CRPPA: variants seen among roughly 807,000 people sequenced by gnomAD.
The protein encoded by CRPPA is D-ribitol-5-phosphate cytidylyltransferase.
A neutral mutation model predicts 52.0 loss-of-function variants in CRPPA; 43 were observed. The ratio of observed to expected loss-of-function variants is 0.83; its 90% CI spans 0.65 to 1.07. The LOEUF (loss-of-function observed/expected upper bound fraction) is 1.07, where lower values mean the gene tolerates loss of function less well. Among genes scored for constraint, CRPPA ranks in the 50% least tolerant of loss-of-function variants. CRPPA has a pLI of 0.00. For missense variants in CRPPA, 629 were observed against 551.7 expected, an observed-to-expected ratio of 1.14 and a Z score of -1.40; for synonymous variants, 250 against 203.5, an observed-to-expected ratio of 1.23 and a Z score of -1.94.
intron 9 of CRPPA, among the ~76,000 whole-genome samples, chr7:16,171,631 C>CA (rs1445238202): frequency 1.3e-5 from 2 of 151,748 alleles, no homozygotes; most frequent in African/African-American, 4.8e-5. Flanking sequence ...ACCAAAAAAA[C>CA]AAAAAACAAA....
intron 9 of CRPPA, among the ~76,000 whole-genome samples, chr7:16,130,500 C>A (rs957522372): frequency 6.6e-6 from 1 of 151,820 alleles, no homozygotes; most frequent in Non-Finnish European, 1.5e-5. Flanking sequence ...TTCCTCTGTT[C>A]TATACTATCC....
chr7:16,232,195 C>A (rs926521122), intron 8 of CRPPA, among the ~76,000 whole-genome samples: 3 of 152,130 alleles, frequency 2.0e-5, no homozygotes, highest in African/African-American at 7.2e-5. Flanking sequence ...TTGGCAATAG[C>A]CATGAGCCAT....
intron 9 of CRPPA, among the ~76,000 whole-genome samples, chr7:16,169,970 T>C (rs962563533): frequency 2.0e-5 from 3 of 152,220 alleles, no homozygotes; most frequent in African/African-American, 4.8e-5. Context: ...GGAAGCTCTA[T>C]ATTTTTCTGT....
intron 1 of CRPPA, among the ~76,000 whole-genome samples, chr7:16,413,873 A>G (rs1788127225): frequency 6.6e-6 from 1 of 152,084 alleles, no homozygotes; most frequent in Non-Finnish European, 1.5e-5. Context: ...CAGATCTACA[A>G]AAGTGATTTT....
At chr7:16,128,709 T>C (rs1016102360) in intron 9 of CRPPA, among the ~76,000 whole-genome samples, 1 of 152,120 alleles carries the variant, frequency 6.6e-6, no homozygotes, top group African/African-American at 2.4e-5. Context: ...ATGGAAAAAT[T>C]TGTCCCTAAT....
chr7:16,302,056 G>T, intron 4 of CRPPA, among the ~76,000 whole-genome samples: 1 of 151,988 alleles, frequency 6.6e-6, no homozygotes, highest in East Asian at 1.9e-4. Context: ...CAACCTCTTG[G>T]GAGGCCAAGG....
At chr7:16,317,251 A>T (rs186548771) in intron 3 of CRPPA, among the ~76,000 whole-genome samples, 1 of 152,164 alleles carries the variant, frequency 6.6e-6, no homozygotes, top group African/African-American at 2.4e-5. Context: ...CTTCTTCCAC[A>T]TTGGGGAATG....
intron 9 of CRPPA, among the ~76,000 whole-genome samples, chr7:16,143,442 T>C (rs1452012316): frequency 6.6e-6 from 1 of 152,140 alleles, no homozygotes; most frequent in Non-Finnish European, 1.5e-5. Context: ...CAAGGGTAAG[T>C]AGGATAATAA....
chr7:16,391,127 T>C (rs962474891), intron 2 of CRPPA, among the ~76,000 whole-genome samples: 13 of 152,170 alleles, frequency 8.5e-5, no homozygotes, highest in Admixed American at 7.9e-4. Flanking sequence ...TAGTTCAAAA[T>C]GCATACCTCT....
chr7:16,258,264 CACAA>C (rs1783697265), intron 8 of CRPPA, 122 bp downstream of exon 8: 2 of 528,760 alleles, frequency 3.8e-6, no homozygotes, highest in Non-Finnish European at 6.5e-6. Flanking sequence ...CAGAGGAATC[CACAA>C]ACAAGAGTTT....
chr7:16,214,419 G>C (rs115436452), intron 9 of CRPPA, among the ~76,000 whole-genome samples: 1 of 152,234 alleles, frequency 6.6e-6, no homozygotes, highest in African/African-American at 2.4e-5. Flanking sequence ...TGTGACAATA[G>C]TAGTGTTTGT....
At chr7:16,410,129 A>AT (rs1292491262) in intron 1 of CRPPA, among the ~76,000 whole-genome samples, 2 of 152,198 alleles carry the variant, frequency 1.3e-5, no homozygotes, top group African/African-American at 4.8e-5. Context: ...GTTTCTAGGT[A>AT]TTTGACCCTC....
intron 9 of CRPPA, among the ~76,000 whole-genome samples, chr7:16,196,862 C>A (rs2128392252): frequency 6.6e-6 from 1 of 152,238 alleles, no homozygotes; most frequent in East Asian, 1.9e-4. Context: ...AGTTTTGCTG[C>A]CGTTTCCATA....
intron 5 of CRPPA, among the ~76,000 whole-genome samples, chr7:16,282,913 T>A (rs1784347221): frequency 6.6e-6 from 1 of 152,084 alleles, no homozygotes; most frequent in African/African-American, 2.4e-5. Flanking sequence ...AAATTCTCAA[T>A]CTGTCTACAT....
intron 3 of CRPPA, among the ~76,000 whole-genome samples, chr7:16,368,357 T>C (rs1786663343): frequency 6.6e-6 from 1 of 152,192 alleles, no homozygotes; most frequent in African/African-American, 2.4e-5. Flanking sequence ...TTCTCAAGGA[T>C]GAAATAGTTT....
At chr7:16,271,563 C>CT (rs1784090045) in intron 6 of CRPPA, among the ~76,000 whole-genome samples, 1 of 152,146 alleles carries the variant, frequency 6.6e-6, no homozygotes, top group Non-Finnish European at 1.5e-5. Context: ...ACCACAGATG[C>CT]TTTCTTTCTG....
intron 4 of CRPPA, among the ~76,000 whole-genome samples, chr7:16,306,356 C>T (rs1784911189): frequency 6.6e-6 from 1 of 152,188 alleles, no homozygotes; most frequent in Non-Finnish European, 1.5e-5. Flanking sequence ...TTAGCGTGCA[C>T]TGATATTTGT....
chr7:16,326,071 A>G (rs1448980144), intron 3 of CRPPA, among the ~76,000 whole-genome samples: 1 of 151,970 alleles, frequency 6.6e-6, no homozygotes, highest in Admixed American at 6.5e-5. Context: ...CAAAAAAAAA[A>G]AAAAAGCTCA....
rs372258284 is a variant in CRPPA, at chr7:16,419,307, C to T, written c.257+1759G>A. Among the ~76,000 whole-genome samples the T allele has an allele frequency of 3.3e-5, 5 of 152,164 alleles. No individual in the cohort carries two copies. In the East Asian group the frequency reaches 7.7e-4, roughly 23 times the overall value. On this transcript the variant is annotated intron_variant, in intron 1 of 9. Transcript: ENST00000407010. Reference sequence around the variant, plus strand: ...AAAATTATAACTGAGGAAATTAGGACAGTGAAAGATCAGTCCTAACTAACT... The same window carrying T: ...AAAATTATAACTGAGGAAATTAGGATAGTGAAAGATCAGTCCTAACTAACT...
Sources: gnomAD v4.1 joint callset for allele counts (sites outside exome capture counted in the v4.1 genomes callset) on GRCh38, gnomAD v4.1.1 for gene constraint, MANE v1.5 for transcripts, NCBI Gene and HGNC (gene_info 2026-07-23, HGNC 2026-07-21) for gene names.